Variants in DLGAP2 observed in about 807,000 individuals in gnomAD.
The protein encoded by DLGAP2 is DLG associated protein 2, also known as disks large-associated protein 2.
A neutral mutation model predicts 100.3 loss-of-function variants in DLGAP2; 26 were observed. The observed-to-expected ratio is 0.26, with a 90% CI of 0.19 to 0.36. The LOEUF is 0.36. Among genes scored for constraint, DLGAP2 ranks in the 10% least tolerant of loss-of-function variants. The pLI is 1.00. For synonymous variants in DLGAP2, 886 were observed against 630.1 expected, an observed-to-expected ratio of 1.41 and a Z score of -6.08; for missense variants, 1,858 against 1,453.2, an observed-to-expected ratio of 1.28 and a Z score of -4.53.
At chr8:922,549 T>A (rs1798737145) in intron 2 of DLGAP2, among the ~76,000 whole-genome samples, 2 of 152,220 alleles carry the variant, frequency 1.3e-5, no homozygotes, top group African/African-American at 4.8e-5. Context: ...TAAAATAAAT[T>A]AAAATTATTT....
chr8:1,487,757 C>T (rs79112676), intron 3 of DLGAP2, among the ~76,000 whole-genome samples: 1 of 152,344 alleles, frequency 6.6e-6, no homozygotes, highest in East Asian at 1.9e-4. Flanking sequence ...ATGCACCACA[C>T]AGCACCGATT....
At chr8:1,530,435 T>C (rs553243016) in intron 4 of DLGAP2, among the ~76,000 whole-genome samples, 56 of 152,348 alleles carry the variant, frequency 3.7e-4, no homozygotes, top group African/African-American at 1.3e-3. Flanking sequence ...CTGTTCTTTT[T>C]TCAGGGTGCC....
At chr8:1,314,158 C>G (rs1226628845) in intron 3 of DLGAP2, among the ~76,000 whole-genome samples, 1 of 152,192 alleles carries the variant, frequency 6.6e-6, no homozygotes, top group Non-Finnish European at 1.5e-5. Context: ...TCCTATGAAA[C>G]TGTATGATGA....
intron 3 of DLGAP2, chr8:1,380,072 G>T (rs10106591): frequency 0.052 from 7,978 of 152,264 alleles, 479 homozygotes; most frequent in East Asian, 0.23. Context: ...TGTCCTTGGG[G>T]CAGGGGCTGC....
chr8:1,543,087 T>C (rs1054976358), intron 4 of DLGAP2, among the ~76,000 whole-genome samples: 1 of 152,258 alleles, frequency 6.6e-6, no homozygotes, highest in South Asian at 2.1e-4. Flanking sequence ...GTCAGATTTA[T>C]ATATTCTGGA....
chr8:751,581 A>G (rs1820789824), intron 1 of DLGAP2, among the ~76,000 whole-genome samples: 2 of 151,778 alleles, frequency 1.3e-5, no homozygotes, highest in Admixed American at 6.6e-5. Context: ...GACACTTTAT[A>G]GTAAGTCCTT....
intron 3 of DLGAP2, among the ~76,000 whole-genome samples, chr8:1,353,276 G>C (rs1287158397): frequency 6.6e-6 from 1 of 152,222 alleles, no homozygotes; most frequent in Admixed American, 6.5e-5. Flanking sequence ...TGTGAACAGA[G>C]GGACAGACGG....
intron 2 of DLGAP2, among the ~76,000 whole-genome samples, chr8:1,242,314 C>A (rs989213142): frequency 6.6e-6 from 1 of 152,048 alleles, no homozygotes; most frequent in Non-Finnish European, 1.5e-5. Flanking sequence ...CGGGGCAGGG[C>A]GGGGTTCTGG....
intron 1 of DLGAP2, among the ~76,000 whole-genome samples, chr8:874,976 G>GTTA (rs1797662953): frequency 6.6e-6 from 1 of 152,022 alleles, no homozygotes; most frequent in African/African-American, 2.4e-5. Flanking sequence ...GCTCCTGATG[G>GTTA]GTTGTCTCTT....
At chr8:1,349,928 T>C (rs1801669110) in intron 3 of DLGAP2, among the ~76,000 whole-genome samples, 1 of 152,244 alleles carries the variant, frequency 6.6e-6, no homozygotes, top group Non-Finnish European at 1.5e-5. Context: ...TGCCTATATC[T>C]CTAGGCAGAT....
At position 1,632,507 on chromosome 8, in the gene DLGAP2, G is replaced by C. The variant is rs376473061; in HGVS notation, c.1591-320G>C. On this transcript the variant is annotated intron_variant, in intron 7 of 14. Coordinates refer to ENST00000637795, the MANE Select transcript of DLGAP2 (RefSeq NM_001346810.2). The stretch of plus-strand genomic sequence containing the variant: ...GATTCTGAACCCTTCCTTTGTACCA[G>C]GTACTTTGCTAATCTTTTAAAAGTT... Among the ~76,000 whole-genome samples, 71 of 152,272 alleles carry C rather than the reference G, an allele frequency of 4.7e-4. 1 individual carries two copies. In the South Asian group the frequency reaches 0.014, roughly 30 times the overall value.
At chr8:1,189,295 C>T (rs1012964672) in intron 2 of DLGAP2, among the ~76,000 whole-genome samples, 1 of 152,232 alleles carries the variant, frequency 6.6e-6, no homozygotes, top group African/African-American at 2.4e-5. Flanking sequence ...AGTGTCAAGG[C>T]CAACTGCAAG....
intron 2 of DLGAP2, among the ~76,000 whole-genome samples, chr8:1,237,405 A>T (rs1216931362): frequency 1.9e-5 from 1 of 52,748 alleles, no homozygotes; most frequent in Non-Finnish European, 3.5e-5. Context: ...GTGTCTAGTT[A>T]CCTATCACAT....
intron 2 of DLGAP2, among the ~76,000 whole-genome samples, chr8:994,090 G>C (rs928147665): frequency 6.6e-6 from 1 of 152,152 alleles, no homozygotes; most frequent in Non-Finnish European, 1.5e-5. Context: ...TGAGACTGGT[G>C]TTTTCGTATT....
intron 3 of DLGAP2, among the ~76,000 whole-genome samples, chr8:1,289,565 C>T (rs1331654883): frequency 6.6e-6 from 1 of 152,202 alleles, no homozygotes; most frequent in Non-Finnish European, 1.5e-5. Context: ...ATGCCAGCAG[C>T]TTTGCCATGT....
rs199711802 is a variant in DLGAP2 at position 1,167,091 on chromosome 8, G to GT, written c.74-91759dup. On this transcript the variant is annotated intron_variant, in intron 2 of 14. Transcript: ENST00000637795. ...GTTGAGGCTGCAGTGAGCTGTGATT[G>GT]TATCACTGTACTCTAGCCTGGGCAA... is the stretch of plus-strand genomic sequence containing the variant. 4.2e-3 allele frequency among the ~76,000 whole-genome samples: 641 copies of GT among 152,158 alleles called. 7 individuals are homozygous for GT. Among genetic ancestry groups the GT allele is most frequent in the African/African-American group, 0.015 (607 of 41,498 alleles).
At chr8:1,410,037 G>T (rs903155738) in intron 3 of DLGAP2, among the ~76,000 whole-genome samples, 4 of 152,204 alleles carry the variant, frequency 2.6e-5, no homozygotes, top group Non-Finnish European at 1.5e-5. Context: ...TGCTGCAGGT[G>T]TGTAGACCTT....
At chr8:1,210,430 T>G (rs375948764) in intron 2 of DLGAP2, among the ~76,000 whole-genome samples, 3 of 152,188 alleles carry the variant, frequency 2.0e-5, no homozygotes, top group Admixed American at 6.5e-5. Flanking sequence ...TTAAAGAGTT[T>G]CCATGTTCAT....
intron 2 of DLGAP2, among the ~76,000 whole-genome samples, chr8:1,095,969 T>C (rs924365580): frequency 6.6e-6 from 1 of 152,218 alleles, no homozygotes; most frequent in Non-Finnish European, 1.5e-5. Flanking sequence ...GAGAACTGAA[T>C]ATTTTAAAAA....
Sources: gnomAD v4.1 joint callset for allele counts (sites outside exome capture counted in the v4.1 genomes callset) on GRCh38, gnomAD v4.1.1 for gene constraint, MANE v1.5 for transcripts, NCBI Gene and HGNC (gene_info 2026-07-23, HGNC 2026-07-21) for gene names.